The following MAN1C1 variants were observed in gnomAD, a reference collection of about 807,000 sequenced individuals.
The protein encoded by MAN1C1 is mannosidase alpha class 1C member 1, also known as mannosyl-oligosaccharide 1,2-alpha-mannosidase IC.
MAN1C1 carries 49 observed loss-of-function variants against 71.5 expected under a neutral mutation model. That is an observed-to-expected ratio of 0.69 (90% CI 0.54 to 0.87). The LOEUF (loss-of-function observed/expected upper bound fraction) is 0.87. MAN1C1 is among the 40% of genes least tolerant of loss of function. The pLI is 0.00. For synonymous variants in MAN1C1, 352 were observed against 343.7 expected (o/e 1.02, Z -0.27); for missense variants, 743 against 835.0 (o/e 0.89, Z 1.36).
At chr1:25,720,443 T>G (rs138123084) in intron 2 of MAN1C1, among the ~76,000 whole-genome samples, 1,545 of 152,300 alleles carry the variant, frequency 0.01, 27 homozygotes, top group African/African-American at 0.033. Flanking sequence ...ACTTCGGACC[T>G]CTGGTGATCC....
At chr1:25,772,578 C>G (rs539774017) in intron 8 of MAN1C1, among the ~76,000 whole-genome samples, 1 of 134,718 alleles carries the variant, frequency 7.4e-6, no homozygotes, top group African/African-American at 2.8e-5. Context: ...TTGAGCAAGT[C>G]GGATCTACTC....
chr1:25,688,380 A>T (rs1474525960), intron 2 of MAN1C1, among the ~76,000 whole-genome samples: 1 of 152,234 alleles, frequency 6.6e-6, no homozygotes, highest in Non-Finnish European at 1.5e-5. Context: ...ATAAACAGGG[A>T]CATTATCAAG....
chr1:25,626,082 T>C (rs2045289038), intron 1 of MAN1C1, among the ~76,000 whole-genome samples: 1 of 152,204 alleles, frequency 6.6e-6, no homozygotes, highest in Non-Finnish European at 1.5e-5. Flanking sequence ...TGTGGGCATA[T>C]GTTTTCATTT....
At chr1:25,783,521 GC>G in intron 11 of MAN1C1, 141 bp from the exon 12 acceptor site, 1 of 865,098 alleles carries the variant, frequency 1.2e-6, no homozygotes, top group Non-Finnish European at 1.8e-6. Context: ...CCACCCTGCT[GC>G]CCACAGTTTT....
intron 1 of MAN1C1, among the ~76,000 whole-genome samples, chr1:25,673,067 G>A (rs1233371059): frequency 6.6e-6 from 1 of 152,144 alleles, no homozygotes; most frequent in East Asian, 1.9e-4. Flanking sequence ...GGGAAAGGAG[G>A]TGAGTCAGAG....
Position 25,780,258 on chromosome 1 carries a change from C to T in MAN1C1, c.1478-682C>T, listed in dbSNP as rs951758442. Among the ~76,000 whole-genome samples, 3 of 152,210 alleles carry T rather than the reference C, an allele frequency of 2.0e-5. No individual in the cohort carries two copies. The South Asian group carries it at 6.2e-4, about 32-fold the overall frequency. On this transcript the variant is annotated intron_variant, in intron 9 of 11. Coordinates refer to ENST00000374332, the MANE Select transcript of MAN1C1 (RefSeq NM_020379.4). Reference sequence around the variant, plus strand: ...GCTACAGAGGTGGTTATAATTATGGCCATATGACAAGAATGACAGCAAATT... The same window carrying T: ...GCTACAGAGGTGGTTATAATTATGGTCATATGACAAGAATGACAGCAAATT...
intron 8 of MAN1C1, among the ~76,000 whole-genome samples, chr1:25,774,628 A>G (rs567952789): frequency 6.6e-6 from 1 of 152,140 alleles, no homozygotes; most frequent in Non-Finnish European, 1.5e-5. Flanking sequence ...CTCACAACCA[A>G]CCCAGGAATC....
intron 1 of MAN1C1, among the ~76,000 whole-genome samples, chr1:25,639,553 A>G (rs1298319342): frequency 6.6e-6 from 1 of 152,104 alleles, no homozygotes. Context: ...TCTGGCTACT[A>G]TATTCTCCAC....
Position 25,753,821 on chromosome 1 carries a change from C to T in MAN1C1, c.929+243C>T, listed in dbSNP as rs868272479. On this transcript the variant is annotated intron_variant, in intron 5 of 11. Transcript: ENST00000374332. This position sits in a 1 kb window ranked among gnomAD's most constrained non-coding sequence, Gnocchi z 4.9. ...GGTGGCACGGTGAAAGTGCCAGCGA[C>T]TTCCCTGGACAGGTGTTTGTCACCA... Among the ~76,000 whole-genome samples, 2 of 152,194 alleles carry T rather than the reference C, an allele frequency of 1.3e-5. No individual in the cohort carries two copies. Among genetic ancestry groups the T allele is most frequent in the South Asian group, 2.1e-4 (1 of 4,832 alleles).
At chr1:25,686,572 A>C (rs752817602) in intron 2 of MAN1C1, 36 bp downstream of exon 2, 66 of 1,563,318 alleles carry the variant, frequency 4.2e-5, no homozygotes, top group Non-Finnish European at 5.1e-5. Context: ...ATTGGGAGGG[A>C]CCCACCGCCC....
intron 1 of MAN1C1, among the ~76,000 whole-genome samples, chr1:25,659,902 G>C (rs1017472574): frequency 1.3e-5 from 2 of 152,150 alleles, no homozygotes; most frequent in Non-Finnish European, 2.9e-5. Context: ...TTCACCTGTT[G>C]TATCTATGTA....
At chr1:25,760,839 G>T (rs904428307) in intron 6 of MAN1C1, 6 of 152,140 alleles carry the variant, frequency 3.9e-5, no homozygotes, top group Non-Finnish European at 7.3e-5. Flanking sequence ...AACCACTGTC[G>T]GAGAGCAGGC....
At chr1:25,696,698 G>A (rs771933765) in intron 2 of MAN1C1, among the ~76,000 whole-genome samples, 1 of 152,060 alleles carries the variant, frequency 6.6e-6, no homozygotes, top group Non-Finnish European at 1.5e-5. Context: ...CCAGACTGGA[G>A]TGCAGTGGTG....
rs1007700044 is a variant in MAN1C1 at position 25,778,040 on chromosome 1, T to C, written c.1258-65T>C. On this transcript the variant is annotated intron_variant, in intron 8 of 11. Coordinates refer to ENST00000374332, the MANE Select transcript of MAN1C1 (RefSeq NM_020379.4). The surrounding 1 kb of genome is among the most constrained non-coding windows in gnomAD (Gnocchi z 5.5). ...TCTCCAAAATGTTCATTTTCCATCCTTTCCCCCCCTTCTCTGTGCCCTCCC... is the reference window on the plus strand; with the variant it reads ...TCTCCAAAATGTTCATTTTCCATCCCTTCCCCCCCTTCTCTGTGCCCTCCC... 4 of 1,253,162 alleles carry C rather than the reference T, an allele frequency of 3.2e-6. No individual in the cohort carries two copies. The highest frequency in any genetic ancestry group is 5.0e-5 in the Admixed American group (2 of 39,924). The allele number at this position is 1,253,162 out of a possible 1,614,324, so 77.6% of individuals were successfully genotyped here.
chr1:25,685,164 A>T (rs1470575955), intron 1 of MAN1C1, among the ~76,000 whole-genome samples: 1 of 152,050 alleles, frequency 6.6e-6, no homozygotes, highest in South Asian at 2.1e-4. Flanking sequence ...TTCCCACTAC[A>T]CTCTTTCATT....
chr1:25,782,855 G>A lies in MAN1C1; in HGVS notation c.1766+155G>A, dbSNP rs1231097231. ...ATCCAGAGGGCTGCACCCCAGGTGT[G>A]AGCCTTGGGCCAGGCCGCTTTCTCG... On this transcript the variant is annotated intron_variant, in intron 11 of 11. Transcript: ENST00000374332. This position sits in a 1 kb window ranked among gnomAD's most constrained non-coding sequence, Gnocchi z 4.4. Among the ~76,000 whole-genome samples, 1 of 152,126 alleles carries A rather than the reference G, an allele frequency of 6.6e-6. No homozygotes were observed. The highest frequency in any genetic ancestry group is 1.5e-5 in the Non-Finnish European group (1 of 68,016).
intron 7 of MAN1C1, among the ~76,000 whole-genome samples, chr1:25,766,599 A>G (rs1304777266): frequency 6.6e-6 from 1 of 151,554 alleles, no homozygotes; most frequent in Non-Finnish European, 1.5e-5. Context: ...CTGGAAACCG[A>G]GCTTCAGGGG....
At chr1:25,621,804 T>G (rs2045215807) in intron 1 of MAN1C1, among the ~76,000 whole-genome samples, 1 of 152,168 alleles carries the variant, frequency 6.6e-6, no homozygotes, top group Non-Finnish European at 1.5e-5. Context: ...AATTTTTGTA[T>G]TTTTAGTAGA....
chr1:25,676,918 C>T (rs1016107486), intron 1 of MAN1C1, among the ~76,000 whole-genome samples: 9 of 152,152 alleles, frequency 5.9e-5, no homozygotes, highest in Middle Eastern at 3.2e-3. Flanking sequence ...GTTTTCCACT[C>T]TGGGAGTGGT....
Sources: allele counts gnomAD v4.1 joint callset (sites outside exome capture counted in the v4.1 genomes callset), GRCh38; gene constraint gnomAD v4.1.1; non-coding constraint Gnocchi (gnomAD v3.1); transcripts MANE v1.5; gene names NCBI Gene and HGNC (gene_info 2026-07-23, HGNC 2026-07-21).